The following FMO5 variants were observed in gnomAD, a reference collection of about 807,000 sequenced individuals.
FMO5 encodes the protein flavin containing dimethylaniline monoxygenase 5, also known as flavin-containing monooxygenase 5.
FMO5 carries 51 observed loss-of-function variants against 43.6 expected under a neutral mutation model. The observed-to-expected ratio is 1.17, with a 90% CI of 0.93 to 1.48. The LOEUF is 1.48. Among genes scored for constraint, FMO5 ranks in the 40% most tolerant of loss-of-function variants. The pLI is 0.00. For missense variants in FMO5, 644 were observed against 643.0 expected (o/e 1.00, Z -0.02); for synonymous variants, 187 against 216.5 (o/e 0.86, Z 1.20).
intron 2 of FMO5, among the ~76,000 whole-genome samples, chr1:147,223,161 T>G (rs1553926671): frequency 1.3e-5 from 2 of 152,206 alleles, no homozygotes; most frequent in Non-Finnish European, 2.9e-5. Context: ...AAATAAGGTT[T>G]GAGCCTAAGA....
intron 2 of FMO5, chr1:147,223,639 T>C: frequency 6.4e-6 from 1 of 156,346 alleles, no homozygotes; most frequent in Non-Finnish European, 1.4e-5. Flanking sequence ...AAGTTGTGAA[T>C]CCTCTGTTTG....
chr1:147,212,340 G>A, intron 5 of FMO5, 53 bp downstream of exon 5: 10 of 1,588,758 alleles, frequency 6.3e-6, no homozygotes, highest in African/African-American at 2.7e-5. Flanking sequence ...AGCTTCCTTG[G>A]AGAAACTGAA....
Position 147,225,018 on chromosome 1 carries a change from T to A in FMO5, c.12A>T (p.Lys4Asn). ...CTCCTCCCCCAATCACAGCAATTCTTTTCTTAGTCATGGTCTCCCGAGATC... is the reference window on the plus strand; with the variant it reads ...CTCCTCCCCCAATCACAGCAATTCTATTCTTAGTCATGGTCTCCCGAGATC... MTK[K>N]RIAVIGGGVS... Residue 4 changes from lysine (K) to asparagine (N), a missense_variant, in exon 2 of 9, where the codon AAA becomes AAT. Physicochemically the swap from Lys to Asn is moderately conservative, Grantham distance 94. Transcript: ENST00000254090. 3 of 1,595,390 alleles carry A rather than the reference T, an allele frequency of 1.9e-6. No individual in the cohort carries two copies. Among genetic ancestry groups the A allele is most frequent in the Non-Finnish European group, 2.6e-6 (3 of 1,170,794 alleles).
Position 147,201,426 on chromosome 1 carries a change from A to G in FMO5, c.909T>C (p.Asn303=), listed in dbSNP as rs782337657. 3.1e-6 allele frequency: 5 copies of G among 1,614,176 alleles called. No homozygotes were observed. Among genetic ancestry groups the G allele is most frequent in the Admixed American group, 1.7e-5 (1 of 60,032 alleles). ...IISGLVKVKG[N]VKEFTETAAI... Reference sequence around the variant, plus strand: ...CAGCTGTCTCCGTGAATTCCTTCACATTTCCTTTCACTTTCACCAAGCCAG... The same window carrying G: ...CAGCTGTCTCCGTGAATTCCTTCACGTTTCCTTTCACTTTCACCAAGCCAG... The change falls in exon 7 of 9, where the codon AAT becomes AAC. Residue 303 remains asparagine, a synonymous_variant. Coordinates refer to ENST00000254090, the MANE Select transcript of FMO5 (RefSeq NM_001461.4).
At chr1:147,217,965 T>A (rs2102022779) in intron 2 of FMO5, among the ~76,000 whole-genome samples, 1 of 152,338 alleles carries the variant, frequency 6.6e-6, no homozygotes, top group African/African-American at 2.4e-5. Context: ...AATGGATGCA[T>A]ATCAAATTGT....
intron 2 of FMO5, among the ~76,000 whole-genome samples, chr1:147,216,672 A>T (rs1170053617): frequency 6.6e-6 from 1 of 152,190 alleles, no homozygotes; most frequent in African/African-American, 2.4e-5. Flanking sequence ...ATGCCCAAAA[A>T]AACAACTGAA....
At chr1:147,204,895 T>C in intron 6 of FMO5, 2 of 1,584,212 alleles carry the variant, frequency 1.3e-6, no homozygotes, top group East Asian at 2.2e-5. Context: ...CTTGAGCATC[T>C]GGGCGAAGCC....
At chr1:147,185,494 C>A (rs587713899), downstream of FMO5, among the ~76,000 whole-genome samples, 2 of 152,194 alleles carry the variant, frequency 1.3e-5, no homozygotes, top group South Asian at 2.1e-4. Flanking sequence ...AATACCAGTT[C>A]TCAGTTCTCT....
At chr1:147,196,653 A>G (rs1658065641) in intron 7 of FMO5, among the ~76,000 whole-genome samples, 3 of 152,210 alleles carry the variant, frequency 2.0e-5, no homozygotes, top group Admixed American at 6.5e-5. Flanking sequence ...ACTCTGTGGT[A>G]CAGTTATGTC....
In FMO5 at chr1:147,204,370, A is replaced by ACG. The variant is rs1378862900; in HGVS notation, c.831-2868_831-2867dup. ...ATGGCCAGAATCAGGAAAAATAGAT[A>ACG]CGCATGCCTGAACAATAAGCTTGGC... On this transcript the variant is annotated intron_variant, in intron 6 of 8. Coordinates refer to ENST00000254090, the MANE Select transcript of FMO5 (RefSeq NM_001461.4). 22 of 1,033,958 alleles carry ACG rather than the reference A, an allele frequency of 2.1e-5. No homozygotes were observed. The African/African-American group carries it at 2.8e-4, about 13-fold the overall frequency. The allele number at this position is 1,033,958 out of a possible 1,614,324, so 64.0% of individuals were successfully genotyped here.
At chr1:147,206,173 T>C (rs1372717706) in intron 6 of FMO5, among the ~76,000 whole-genome samples, 1 of 150,414 alleles carries the variant, frequency 6.6e-6, no homozygotes, top group Non-Finnish European at 1.5e-5. Flanking sequence ...AAAATGCTCA[T>C]CATCACTGGC....
intron 6 of FMO5, among the ~76,000 whole-genome samples, chr1:147,202,288 C>T (rs895304870): frequency 2.1e-4 from 31 of 144,214 alleles, no homozygotes; most frequent in Non-Finnish European, 2.7e-4. Context: ...TTTCTAGTAT[C>T]GTGGAGCTTT....
intron 2 of FMO5, among the ~76,000 whole-genome samples, chr1:147,224,672 G>A (rs1306695518): frequency 6.6e-6 from 1 of 151,920 alleles, no homozygotes; most frequent in African/African-American, 2.4e-5. Flanking sequence ...ACCACGCCCG[G>A]CTAATTTTTT....
Position 147,187,170 on chromosome 1 carries a change from C to G in FMO5, c.1332G>C (p.Gly444=). Residue 444 remains glycine, a synonymous_variant, in exon 9 of 9, where the codon GGG becomes GGC. Coordinates refer to ENST00000254090, the MANE Select transcript of FMO5 (RefSeq NM_001461.4). ...DTMEELADLV[G]VRPNLLSLAF... ...CCAGAGACAGCAGATTGGGCCTGAC[C>G]CCCACCAAATCAGCAAGCTCTTCCA... The G allele has an allele frequency of 6.2e-7, 1 of 1,614,076 alleles. No homozygotes were observed. Among genetic ancestry groups the G allele is most frequent in the Non-Finnish European group, 8.5e-7 (1 of 1,180,012 alleles).
intron 2 of FMO5, among the ~76,000 whole-genome samples, chr1:147,216,538 TGTATATGAAAC>T (rs1553925095): frequency 6.6e-6 from 1 of 152,208 alleles, no homozygotes; most frequent in East Asian, 1.9e-4. Flanking sequence ...AGTGTTAAAA[TGTATATGAAAC>T]TCCTTGCAAT....
intron 7 of FMO5, among the ~76,000 whole-genome samples, chr1:147,195,534 G>A (rs1194825547): frequency 1.3e-5 from 2 of 152,064 alleles, no homozygotes; most frequent in African/African-American, 2.4e-5. Context: ...AGGCCAAGGG[G>A]AACTCATAAT....
intron 7 of FMO5, among the ~76,000 whole-genome samples, chr1:147,197,731 A>G (rs587636093): frequency 6.6e-6 from 1 of 152,274 alleles, no homozygotes; most frequent in East Asian, 1.9e-4. Context: ...TTTCCTTTAG[A>G]AACTACTCAG....
chr1:147,218,256 A>G (rs1553925463), intron 2 of FMO5, among the ~76,000 whole-genome samples: 1 of 90,066 alleles, frequency 1.1e-5, no homozygotes, highest in African/African-American at 4.3e-5. Flanking sequence ...TTTTTTTTTG[A>G]GATGGAGTCT....
At chr1:147,195,295 AT>A (rs587619102) in intron 7 of FMO5, among the ~76,000 whole-genome samples, 1 of 151,016 alleles carries the variant, frequency 6.6e-6, no homozygotes, top group Non-Finnish European at 1.5e-5. Context: ...AACCCAAATA[AT>A]TTTTTTTTGT....
Sources: gnomAD v4.1 joint callset for allele counts (sites outside exome capture counted in the v4.1 genomes callset) on GRCh38, gnomAD v4.1.1 for gene constraint, MANE v1.5 for transcripts, NCBI Gene and HGNC (gene_info 2026-07-23, HGNC 2026-07-21) for gene names.